The following SFXN1 variants were observed in gnomAD, a reference collection of about 807,000 sequenced individuals.
SFXN1 encodes the protein sideroflexin 1, also known as sideroflexin-1.
In SFXN1, 32 loss-of-function variants were observed where a neutral mutation model predicts 39.5. That is an observed-to-expected ratio of 0.81 (90% confidence interval 0.61 to 1.09). The LOEUF (loss-of-function observed/expected upper bound fraction) is 1.09, where lower values mean the gene tolerates loss of function less well. Among genes scored for constraint, SFXN1 ranks in the 50% least tolerant of loss-of-function variants. The probability of loss-of-function intolerance (pLI) is 0.00; values close to 1 mark genes in which losing one functional copy is unlikely to be tolerated. For synonymous variants in SFXN1, 136 were observed against 146.5 expected (o/e 0.93, Z 0.52); for missense variants, 402 against 407.1 (o/e 0.99, Z 0.11).
chr5:175,521,657 C>T (rs991821681), intron 8 of SFXN1, among the ~76,000 whole-genome samples: 1 of 152,170 alleles, frequency 6.6e-6, no homozygotes, highest in Non-Finnish European at 1.5e-5. Flanking sequence ...CCATTATATA[C>T]CCAAGCAGTG....
At chr5:175,513,272 A>T (rs1760586901) in intron 6 of SFXN1, among the ~76,000 whole-genome samples, 191 bp from the exon 7 acceptor site, 1 of 131,270 alleles carries the variant, frequency 7.6e-6, no homozygotes, top group Non-Finnish European at 1.6e-5. Context: ...ACTACACTCC[A>T]GCCTGGGCAA....
rs561703791 is a variant in SFXN1, at chr5:175,523,568, G to A, written c.872+1146G>A. ...TGTAAAACACCTAAGAAATGTAGCT[G>A]TAATTATTTTCAGATTGAAAGGGTT... On this transcript the variant is annotated intron_variant, in intron 10 of 10. Coordinates refer to ENST00000321442, the MANE Select transcript of SFXN1 (RefSeq NM_022754.7). 4 of 152,282 alleles carry A rather than the reference G, an allele frequency of 2.6e-5. No individual in the cohort carries two copies. In the South Asian group the frequency reaches 6.2e-4, roughly 24 times the overall value. The allele number at this position is 152,282 out of a possible 1,614,324, so 9.4% of individuals were successfully genotyped here.
At position 175,529,105 on chromosome 5, in the gene SFXN1, G is replaced by C. The variant is rs1468205044; in HGVS notation, c.*2371G>C. ...TAATCCCAGCACTTTGGGAGGCCGA[G>C]GCGGGTGGATCACCTGAGGTCAGGA... On this transcript the variant is annotated 3_prime_UTR_variant, in exon 11 of 11. Transcript: ENST00000321442. 2 of 152,298 alleles carry C rather than the reference G, an allele frequency of 1.3e-5. No homozygotes were observed. Among genetic ancestry groups the C allele is most frequent in the Non-Finnish European group, 2.9e-5 (2 of 68,122 alleles). The allele number at this position is 152,298 out of a possible 1,614,324, so 9.4% of individuals were successfully genotyped here.
intron 2 of SFXN1, among the ~76,000 whole-genome samples, chr5:175,505,438 G>A (rs1044050538): frequency 6.6e-6 from 1 of 151,406 alleles, no homozygotes; most frequent in African/African-American, 2.4e-5. Context: ...CCAGGAGGCC[G>A]GGGCAGGAGC....
intron 1 of SFXN1, among the ~76,000 whole-genome samples, chr5:175,482,688 C>G (rs1328181726): frequency 6.6e-6 from 1 of 152,184 alleles, no homozygotes; most frequent in Admixed American, 6.5e-5. Context: ...GTTTGCTGAT[C>G]CTACCAACTC....
chr5:175,513,848 G>T (rs1398612728), intron 7 of SFXN1: 3 of 331,202 alleles, frequency 9.1e-6, no homozygotes, highest in Non-Finnish European at 1.8e-5. Flanking sequence ...AGCCAAGTGG[G>T]TATCGGTGAT....
Position 175,522,352 on chromosome 5 carries a change from CT to C in SFXN1, c.825-15del, listed in dbSNP as rs768281531. 6.4e-5 allele frequency: 100 copies of C among 1,571,488 alleles called. 1 individual carries two copies. The highest frequency in any genetic ancestry group is 3.2e-4 in the East Asian group (14 of 44,404). ...AAATTAACCATTTAAAATGGTCTGA[CT>C]TTTTTTTGTATTTTTTTTAAGTTTG... On this transcript the variant is annotated intron_variant, in intron 9 of 10. Coordinates refer to ENST00000321442, the MANE Select transcript of SFXN1 (RefSeq NM_022754.7).
chr5:175,526,818 G>T lies in SFXN1; in HGVS notation c.*84G>T. 2 of 1,123,644 alleles carry T rather than the reference G, an allele frequency of 1.8e-6. No homozygotes were observed. The highest frequency in any genetic ancestry group is 2.7e-6 in the Non-Finnish European group (2 of 745,132). The allele number at this position is 1,123,644 out of a possible 1,614,324, so 69.6% of individuals were successfully genotyped here. On this transcript the variant is annotated 3_prime_UTR_variant, in exon 11 of 11. Transcript: ENST00000321442. Reference sequence around the variant, plus strand: ...GGTGAGAAAAATCCTGTTCAACCTGGGTTCTCCCAGTTACGGAAACCTTTT... The same window carrying T: ...GGTGAGAAAAATCCTGTTCAACCTGTGTTCTCCCAGTTACGGAAACCTTTT...
In SFXN1 at chr5:175,502,983, A is replaced by T. The variant is rs190348771; in HGVS notation, c.165-6049A>T. 2.0e-5 allele frequency among the ~76,000 whole-genome samples: 3 copies of T among 152,326 alleles called. 1 individual carries two copies. Among genetic ancestry groups the T allele is most frequent in the Admixed American group, 2.0e-4 (3 of 15,302 alleles). On this transcript the variant is annotated intron_variant, in intron 2 of 10. Coordinates refer to ENST00000321442, the MANE Select transcript of SFXN1 (RefSeq NM_022754.7). Reference sequence around the variant, plus strand: ...AAGAGGTCAGACACAAAATACACAAAATATGTATCTACTCACTGTATGATT... The same window carrying T: ...AAGAGGTCAGACACAAAATACACAATATATGTATCTACTCACTGTATGATT...
intron 1 of SFXN1, among the ~76,000 whole-genome samples, chr5:175,479,827 T>A (rs963977859): frequency 6.6e-6 from 1 of 152,178 alleles, no homozygotes; most frequent in Non-Finnish European, 1.5e-5. Context: ...TAGTCCCTCT[T>A]CTGCGTTGAC....
intron 10 of SFXN1, chr5:175,524,122 AAAAATATATATATAT>A (rs1346200187): frequency 4.9e-4 from 15 of 30,448 alleles, no homozygotes; most frequent in East Asian, 3.1e-3. Context: ...AAAAAAAAAA[AAAAATATATATATAT>A]ATATATATAT....
At chr5:175,488,905 C>T (rs1287777430) in intron 1 of SFXN1, among the ~76,000 whole-genome samples, 1 of 152,224 alleles carries the variant, frequency 6.6e-6, no homozygotes, top group East Asian at 1.9e-4. Flanking sequence ...TTTCCCCAAC[C>T]ATTTACTGCC....
chr5:175,490,797 G>A (rs1008677009), intron 1 of SFXN1, among the ~76,000 whole-genome samples: 4 of 151,942 alleles, frequency 2.6e-5, no homozygotes, highest in Non-Finnish European at 5.9e-5. Flanking sequence ...CATTAAAGGT[G>A]TAGTTATATA....
Position 175,492,015 on chromosome 5 carries a change from AT to A in SFXN1, c.-9-77del, listed in dbSNP as rs1452982209. On this transcript the variant is annotated intron_variant, in intron 1 of 10. Coordinates refer to ENST00000321442, the MANE Select transcript of SFXN1 (RefSeq NM_022754.7). Reference sequence around the variant, plus strand: ...AGAGTATGTACATATTTACTCAAAAATTTAAGGTGACTGTAAAGTTTCTAAA... The same window carrying A: ...AGAGTATGTACATATTTACTCAAAAATTAAGGTGACTGTAAAGTTTCTAAA... 4 of 1,122,066 alleles carry A rather than the reference AT, an allele frequency of 3.6e-6. No homozygotes were observed. In the East Asian group the frequency reaches 1.0e-4, roughly 29 times the overall value. The allele number at this position is 1,122,066 out of a possible 1,614,324, so 69.5% of individuals were successfully genotyped here. A position where few individuals can be genotyped will look rare whatever the true frequency, so the allele number is the denominator to read the frequency against.
intron 9 of SFXN1, 24 bp from the exon 10 acceptor site, chr5:175,522,347 TCTGA>T (rs1164090161): frequency 3.8e-6 from 6 of 1,572,342 alleles, no homozygotes; most frequent in African/African-American, 2.8e-5. Flanking sequence ...TTTAAAATGG[TCTGA>T]CTTTTTTTTG....
intron 1 of SFXN1, among the ~76,000 whole-genome samples, chr5:175,486,778 A>AAAAT (rs1380398822): frequency 1.8e-3 from 279 of 152,250 alleles, no homozygotes; most frequent in African/African-American, 5.8e-3. Flanking sequence ...ACCCTGTCTC[A>AAAAT]AAATAAATAA....
intron 2 of SFXN1, among the ~76,000 whole-genome samples, chr5:175,497,169 G>A (rs758181526): frequency 4.6e-5 from 7 of 152,112 alleles, no homozygotes; most frequent in Admixed American, 1.3e-4. Flanking sequence ...AATTACAGGC[G>A]TGAGCCACCA....
intron 1 of SFXN1, among the ~76,000 whole-genome samples, chr5:175,484,412 C>T (rs1298147803): frequency 6.6e-6 from 1 of 152,246 alleles, no homozygotes; most frequent in Non-Finnish European, 1.5e-5. Context: ...GCCCCACAAC[C>T]CGGCCCTCCT....
intron 7 of SFXN1, among the ~76,000 whole-genome samples, chr5:175,514,815 T>C (rs944270015): frequency 6.6e-6 from 1 of 152,210 alleles, no homozygotes; most frequent in African/African-American, 2.4e-5. Flanking sequence ...TGCCTGAGGC[T>C]AATGTGTTCT....
Sources: gnomAD v4.1 joint callset for allele counts (sites outside exome capture counted in the v4.1 genomes callset) on GRCh38, gnomAD v4.1.1 for gene constraint, MANE v1.5 for transcripts, NCBI Gene and HGNC (gene_info 2026-07-23, HGNC 2026-07-21) for gene names.